UBE2E2: variants seen among roughly 807,000 people sequenced by gnomAD.
UBE2E2 encodes ubiquitin-conjugating enzyme E2 E2.
UBE2E2 carries 6 observed loss-of-function variants against 24.7 expected under a neutral mutation model. That is an observed-to-expected ratio of 0.24 (90% CI 0.13 to 0.48). UBE2E2 has a LOEUF of 0.48. UBE2E2 is among the 20% of genes least tolerant of loss of function. The pLI, the probability that UBE2E2 is intolerant of heterozygous loss-of-function variation, is 0.99. For synonymous variants in UBE2E2, 104 were observed against 83.6 expected, an observed-to-expected ratio of 1.24 and a Z score of -1.33; for missense variants, 169 against 245.0, an observed-to-expected ratio of 0.69 and a Z score of 2.07.
rs552374503 is a variant in UBE2E2, at chr3:23,358,467, C to A, written c.228-141141C>A. Among the ~76,000 whole-genome samples, 13 of 152,200 alleles carry A rather than the reference C, an allele frequency of 8.5e-5. No homozygotes were observed. In the East Asian group the frequency reaches 2.3e-3, roughly 27 times the overall value. ...ATAAAATGTTCTATATAACAAACCT[C>A]TTTAAAGGAAGTGGTGGAAATTAGT... On this transcript the variant is annotated intron_variant, in intron 3 of 5. Coordinates refer to ENST00000396703, the MANE Select transcript of UBE2E2 (RefSeq NM_152653.4).
intron 5 of UBE2E2, among the ~76,000 whole-genome samples, chr3:23,557,556 G>A (rs757879316): frequency 7.2e-5 from 11 of 152,162 alleles, no homozygotes; most frequent in Non-Finnish European, 1.2e-4. Context: ...CCTTTGGGGT[G>A]TAGGAAGAAA....
chr3:23,229,280 T>C (rs1314404533), intron 3 of UBE2E2, among the ~76,000 whole-genome samples: 1 of 152,210 alleles, frequency 6.6e-6, no homozygotes, highest in Non-Finnish European at 1.5e-5. Flanking sequence ...ACAGTAGTTT[T>C]ATTATTTATT....
At chr3:23,411,209 C>G (rs1697488859) in intron 3 of UBE2E2, among the ~76,000 whole-genome samples, 1 of 152,176 alleles carries the variant, frequency 6.6e-6, no homozygotes. Context: ...TGAGCCCTCT[C>G]TGCTCCTGAA....
intron 3 of UBE2E2, among the ~76,000 whole-genome samples, chr3:23,333,559 T>G (rs1695124382): frequency 6.6e-6 from 1 of 152,156 alleles, no homozygotes; most frequent in Non-Finnish European, 1.5e-5. Context: ...TGACTCAGTT[T>G]TTTTCACCTG....
chr3:23,349,158 G>A (rs1490464157), intron 3 of UBE2E2, among the ~76,000 whole-genome samples: 1 of 152,162 alleles, frequency 6.6e-6, no homozygotes, highest in African/African-American at 2.4e-5. Flanking sequence ...CTGACCAAGT[G>A]GATGAAGTCA....
intron 3 of UBE2E2, among the ~76,000 whole-genome samples, chr3:23,371,386 C>T (rs1487746573): frequency 6.6e-6 from 1 of 152,134 alleles, no homozygotes; most frequent in Non-Finnish European, 1.5e-5. Flanking sequence ...TACCCTGCAG[C>T]ATTGTGGATA....
intron 3 of UBE2E2, among the ~76,000 whole-genome samples, chr3:23,478,174 G>A (rs953323953): frequency 6.6e-6 from 1 of 152,188 alleles, no homozygotes; most frequent in Non-Finnish European, 1.5e-5. Context: ...CCAATAAAAA[G>A]TGTTGTTCTA....
At chr3:23,203,824 A>G (rs1696044890) in intron 1 of UBE2E2, among the ~76,000 whole-genome samples, 1 of 151,776 alleles carries the variant, frequency 6.6e-6, no homozygotes, top group Admixed American at 6.6e-5. Context: ...AAAGTACAGG[A>G]TAAATGTCAC....
At chr3:23,550,798 C>A (rs1298635808) in intron 5 of UBE2E2, among the ~76,000 whole-genome samples, 1 of 152,112 alleles carries the variant, frequency 6.6e-6, no homozygotes, top group Non-Finnish European at 1.5e-5. Flanking sequence ...AGCAGTGTCA[C>A]TGAGTTGAGG....
chr3:23,406,179 T>C (rs1406801185), intron 3 of UBE2E2, among the ~76,000 whole-genome samples: 1 of 152,228 alleles, frequency 6.6e-6, no homozygotes, highest in Non-Finnish European at 1.5e-5. Flanking sequence ...TTTCCAAGGC[T>C]CTCCAGTTTG....
At chr3:23,560,159 C>CG (rs1159206099) in intron 5 of UBE2E2, among the ~76,000 whole-genome samples, 11 of 151,990 alleles carry the variant, frequency 7.2e-5, no homozygotes, top group Admixed American at 7.2e-4. Context: ...GTGCTGCACC[C>CG]GTTAACTCAT....
chr3:23,383,835 T>G (rs1696739854), intron 3 of UBE2E2, among the ~76,000 whole-genome samples: 1 of 152,132 alleles, frequency 6.6e-6, no homozygotes, highest in Admixed American at 6.5e-5. Flanking sequence ...ATATGATTTT[T>G]TTTTAGGCTG....
At chr3:23,475,572 G>T (rs1699112192) in intron 3 of UBE2E2, among the ~76,000 whole-genome samples, 1 of 152,012 alleles carries the variant, frequency 6.6e-6, no homozygotes, top group Non-Finnish European at 1.5e-5. Flanking sequence ...CCATGAAAGG[G>T]TCATATATGC....
At chr3:23,439,452 G>A (rs993828613) in intron 3 of UBE2E2, among the ~76,000 whole-genome samples, 2 of 152,198 alleles carry the variant, frequency 1.3e-5, no homozygotes, top group East Asian at 3.9e-4. Context: ...ACTTCTTATG[G>A]ATAAGTGTTT....
At chr3:23,272,191 G>A (rs758357150) in intron 3 of UBE2E2, among the ~76,000 whole-genome samples, 6 of 152,176 alleles carry the variant, frequency 3.9e-5, no homozygotes, top group Non-Finnish European at 8.8e-5. Context: ...CTGAGGCCTG[G>A]CGAGAGTTCG....
At chr3:23,345,356 A>G (rs185167990) in intron 3 of UBE2E2, among the ~76,000 whole-genome samples, 21 of 152,336 alleles carry the variant, frequency 1.4e-4, no homozygotes, top group Admixed American at 1.0e-3. Context: ...AATGAAGACA[A>G]TATTTTACAG....
At chr3:23,522,548 G>T (rs1334550234) in intron 4 of UBE2E2, among the ~76,000 whole-genome samples, 5 of 152,090 alleles carry the variant, frequency 3.3e-5, no homozygotes, top group African/African-American at 1.2e-4. Context: ...TACTCTTAGA[G>T]TTTTGTTTAA....
chr3:23,492,033 G>A lies in UBE2E2; in HGVS notation c.228-7575G>A, dbSNP rs115749543. Among the ~76,000 whole-genome samples the A allele has an allele frequency of 1.7e-3, 261 of 152,260 alleles. 1 individual carries two copies. The highest frequency in any genetic ancestry group is 6.1e-3 in the African/African-American group (252 of 41,544). On this transcript the variant is annotated intron_variant, in intron 3 of 5. Transcript: ENST00000396703. ...ACAGTTTGGTAGGTGATTGTCAAAGGTAGGTAATGAGATACCCAGAATGAA... is the reference window on the plus strand; with the variant it reads ...ACAGTTTGGTAGGTGATTGTCAAAGATAGGTAATGAGATACCCAGAATGAA...
At chr3:23,576,117 A>G (rs962289363) in intron 5 of UBE2E2, among the ~76,000 whole-genome samples, 1 of 152,210 alleles carries the variant, frequency 6.6e-6, no homozygotes. Flanking sequence ...TACTTTATAC[A>G]TACTTCTGTA....
Sources: gnomAD v4.1 joint callset for allele counts (sites outside exome capture counted in the v4.1 genomes callset) on GRCh38, gnomAD v4.1.1 for gene constraint, MANE v1.5 for transcripts, NCBI Gene and HGNC (gene_info 2026-07-23, HGNC 2026-07-21) for gene names.